Variants in DLG2 observed in about 807,000 individuals in gnomAD.
The protein encoded by DLG2 is discs large MAGUK scaffold protein 2, also known as disks large homolog 2.
A neutral mutation model predicts 132.5 loss-of-function variants in DLG2; 45 were observed. The observed-to-expected ratio is 0.34, with a 90% CI of 0.27 to 0.44. The LOEUF (loss-of-function observed/expected upper bound fraction) is 0.44, where lower values mean the gene tolerates loss of function less well. Ranked by LOEUF, DLG2 falls within the 20% of genes least tolerant of loss-of-function variation. The probability of loss-of-function intolerance (pLI) is 1.00; values close to 1 mark genes in which losing one functional copy is unlikely to be tolerated. For synonymous variants in DLG2, 424 were observed against 419.6 expected (o/e 1.01, Z -0.13); for missense variants, 1,045 against 1,196.9 (o/e 0.87, Z 1.87).
chr11:84,559,892 G>C (rs1291274008), intron 6 of DLG2, among the ~76,000 whole-genome samples: 1 of 151,994 alleles, frequency 6.6e-6, no homozygotes, highest in Non-Finnish European at 1.5e-5. Flanking sequence ...ACAAGAAAAT[G>C]GGCTATGCTC....
intron 6 of DLG2, among the ~76,000 whole-genome samples, chr11:84,548,271 T>G (rs80090414): frequency 2.0e-5 from 3 of 149,674 alleles, no homozygotes; most frequent in Non-Finnish European, 1.5e-5. Context: ...CTAAGTATTC[T>G]TTTTTTTTTA....
At chr11:84,670,649 T>C (rs1469195299) in intron 6 of DLG2, among the ~76,000 whole-genome samples, 1 of 152,144 alleles carries the variant, frequency 6.6e-6, no homozygotes, top group African/African-American at 2.4e-5. Context: ...ACATAAATTG[T>C]CACTAATCAC....
intron 6 of DLG2, among the ~76,000 whole-genome samples, chr11:84,793,305 G>A (rs1012550576): frequency 6.6e-6 from 1 of 152,112 alleles, no homozygotes; most frequent in East Asian, 1.9e-4. Flanking sequence ...AATGTTTTAA[G>A]GCTTGTTTTG....
chr11:84,174,155 T>A (rs184887394), intron 8 of DLG2, among the ~76,000 whole-genome samples: 1 of 123,230 alleles, frequency 8.1e-6, no homozygotes, highest in East Asian at 2.0e-4. Context: ...GTTAAGGAGA[T>A]TTTTTTTTTG....
At chr11:84,056,754 G>A (rs1488784892) in intron 11 of DLG2, among the ~76,000 whole-genome samples, 1 of 152,140 alleles carries the variant, frequency 6.6e-6, no homozygotes, top group Non-Finnish European at 1.5e-5. Context: ...TACTAGGAGA[G>A]GGATGAGGAA....
rs1356906260 is a variant in DLG2 at position 83,541,854 on chromosome 11, T to C, written c.1945A>G (p.Met649Val). The change falls in exon 20 of 28, where the codon ATG becomes GTG. Residue 649 changes from methionine (M) to valine (V), a missense_variant. Coordinates refer to ENST00000376104, the MANE Select transcript of DLG2 (RefSeq NM_001142699.3). ...NQKRSLYVRA[M>V]FDYDKSKDSG... is the part of the protein sequence containing the mutation. ...TCCTTGCTCTTGTCGTAGTCGAACA[T>C]GGCTCTGGAGGAAAGGACAAAAGAG... 3 of 1,604,792 alleles carry C rather than the reference T, an allele frequency of 1.9e-6. No individual in the cohort carries two copies. The highest frequency in any genetic ancestry group is 2.6e-6 in the Non-Finnish European group (3 of 1,175,192).
At chr11:84,487,274 A>G (rs1035243282) in intron 7 of DLG2, among the ~76,000 whole-genome samples, 1 of 152,160 alleles carries the variant, frequency 6.6e-6, no homozygotes, top group Non-Finnish European at 1.5e-5. Context: ...GATAAACCAT[A>G]AACTCAGTGT....
intron 6 of DLG2, among the ~76,000 whole-genome samples, chr11:84,662,780 C>T (rs1044156504): frequency 1.1e-5 from 1 of 91,344 alleles, no homozygotes; most frequent in Non-Finnish European, 2.3e-5. Flanking sequence ...GAGCAAGACT[C>T]TGTCACAAAA....
intron 6 of DLG2, among the ~76,000 whole-genome samples, chr11:84,948,672 T>C (rs1269059922): frequency 6.6e-6 from 1 of 152,238 alleles, no homozygotes; most frequent in African/African-American, 2.4e-5. Context: ...TTCAAGATAC[T>C]GGAAACAATT....
intron 18 of DLG2, among the ~76,000 whole-genome samples, chr11:83,637,902 G>C (rs939624034): frequency 3.9e-5 from 6 of 152,142 alleles, no homozygotes; most frequent in African/African-American, 1.4e-4. Context: ...GAAAGAATTT[G>C]CTTCCAGAAC....
At chr11:85,526,947 C>T (rs1207908989) in intron 3 of DLG2, among the ~76,000 whole-genome samples, 1 of 151,964 alleles carries the variant, frequency 6.6e-6, no homozygotes, top group South Asian at 2.1e-4. Context: ...ATCACTTTTT[C>T]AATGAAAAAA....
intron 6 of DLG2, among the ~76,000 whole-genome samples, chr11:84,559,663 C>T (rs2099419403): frequency 6.6e-6 from 1 of 152,068 alleles, no homozygotes; most frequent in Non-Finnish European, 1.5e-5. Flanking sequence ...CAAATATGTG[C>T]TATTAGGCAT....
chr11:83,998,626 G>A (rs1321826798), intron 11 of DLG2, among the ~76,000 whole-genome samples: 2 of 152,130 alleles, frequency 1.3e-5, no homozygotes, highest in South Asian at 2.1e-4. Context: ...CCTAGACATG[G>A]GAGAACCCCT....
intron 7 of DLG2, among the ~76,000 whole-genome samples, chr11:84,464,343 C>G (rs948811843): frequency 6.6e-6 from 1 of 151,146 alleles, no homozygotes; most frequent in Non-Finnish European, 1.5e-5. Flanking sequence ...TGGGTACATT[C>G]AGCTTCAGAC....
At chr11:85,042,644 T>C (rs1345869863) in intron 6 of DLG2, among the ~76,000 whole-genome samples, 2 of 151,958 alleles carry the variant, frequency 1.3e-5, no homozygotes, top group African/African-American at 4.8e-5. Context: ...AAGTAGTAGC[T>C]ATTGTTATTT....
At chr11:83,460,262 A>G (rs2089646056) in intron 27 of DLG2, among the ~76,000 whole-genome samples, 1 of 152,198 alleles carries the variant, frequency 6.6e-6, no homozygotes, top group African/African-American at 2.4e-5. Flanking sequence ...GAGCTGGGCA[A>G]TGATCAATTT....
At chr11:84,310,401 CTA>C (rs2098274311) in intron 7 of DLG2, among the ~76,000 whole-genome samples, 3 of 152,164 alleles carry the variant, frequency 2.0e-5, no homozygotes, top group Admixed American at 1.3e-4. Flanking sequence ...AAGGAAATGA[CTA>C]ATGTCATTTC....
chr11:84,313,575 G>T (rs2098317356), intron 7 of DLG2, among the ~76,000 whole-genome samples: 1 of 139,210 alleles, frequency 7.2e-6, no homozygotes, highest in African/African-American at 2.6e-5. Flanking sequence ...GAGAGAGAGA[G>T]AGAGAGAAAG....
chr11:84,151,561 G>T (rs2095294327), intron 9 of DLG2, among the ~76,000 whole-genome samples: 1 of 151,978 alleles, frequency 6.6e-6, no homozygotes, highest in South Asian at 2.1e-4. Context: ...CTTCTGCTCT[G>T]ATTTCAGTTC....
Sources: gnomAD v4.1 joint callset for allele counts (sites outside exome capture counted in the v4.1 genomes callset) on GRCh38, gnomAD v4.1.1 for gene constraint, MANE v1.5 for transcripts, NCBI Gene and HGNC (gene_info 2026-07-23, HGNC 2026-07-21) for gene names.